NID1: variants seen among roughly 807,000 people sequenced by gnomAD.
The protein encoded by NID1 is nidogen 1.
A neutral mutation model predicts 130.6 loss-of-function variants in NID1; 76 were observed. The ratio of observed to expected loss-of-function variants is 0.58; its 90% CI spans 0.48 to 0.70. NID1 has a LOEUF of 0.70. Ranked by LOEUF, NID1 falls within the 30% of genes least tolerant of loss-of-function variation. The pLI, the probability that NID1 is intolerant of heterozygous loss-of-function variation, is 0.00. For synonymous variants in NID1, 665 were observed against 675.1 expected (o/e 0.98, Z 0.23); for missense variants, 1,517 against 1,664.8 (o/e 0.91, Z 1.54).
chr1:236,061,578 G>C (rs2102854574), intron 1 of NID1, among the ~76,000 whole-genome samples: 1 of 152,160 alleles, frequency 6.6e-6, no homozygotes, highest in African/African-American at 2.4e-5. Flanking sequence ...AGATTCTCCT[G>C]CCTCAGCCTC....
At chr1:236,040,523 C>T (rs979531217) in intron 4 of NID1, among the ~76,000 whole-genome samples, 3 of 152,152 alleles carry the variant, frequency 2.0e-5, no homozygotes, top group Non-Finnish European at 4.4e-5. Flanking sequence ...GTTTTATGAT[C>T]ATTCCTTAGT....
chr1:236,031,040 G>A (rs1025033879), intron 6 of NID1, among the ~76,000 whole-genome samples: 1 of 152,156 alleles, frequency 6.6e-6, no homozygotes, highest in Non-Finnish European at 1.5e-5. Context: ...GAATATATAT[G>A]CCTGTGGACT....
chr1:236,044,595 C>A (rs1401833581), intron 3 of NID1, among the ~76,000 whole-genome samples: 2 of 152,070 alleles, frequency 1.3e-5, no homozygotes, highest in African/African-American at 2.4e-5. Flanking sequence ...AAGCATTTAC[C>A]AGCACATCAC....
chr1:236,016,569 A>G (rs3768080), intron 10 of NID1, among the ~76,000 whole-genome samples: 90,722 of 152,000 alleles, frequency 0.6, 28,193 homozygotes, highest in East Asian at 0.76. Flanking sequence ...TTCGTGGCTG[A>G]CCCATCCTCA....
intron 7 of NID1, among the ~76,000 whole-genome samples, chr1:236,026,846 C>A (rs1347277512): frequency 6.6e-6 from 1 of 151,332 alleles, no homozygotes; most frequent in Admixed American, 6.6e-5. Flanking sequence ...TCAAGCGATT[C>A]TCCCACCTCA....
chr1:236,062,941 G>A (rs1025941921), intron 1 of NID1, among the ~76,000 whole-genome samples: 5 of 150,150 alleles, frequency 3.3e-5, no homozygotes, highest in Non-Finnish European at 7.4e-5. Context: ...GAATCACGAG[G>A]TCAGGAGTTC....
intron 6 of NID1, among the ~76,000 whole-genome samples, chr1:236,031,617 G>T (rs757109321): frequency 6.6e-6 from 1 of 152,178 alleles, no homozygotes; most frequent in Non-Finnish European, 1.5e-5. Context: ...CTAGGTCGTC[G>T]GAGGCAGTGG....
chr1:236,058,451 C>T (rs1396710991), intron 1 of NID1, among the ~76,000 whole-genome samples: 1 of 152,124 alleles, frequency 6.6e-6, no homozygotes, highest in African/African-American at 2.4e-5. Context: ...TGCCAAGCAC[C>T]ACATGGGTAA....
At chr1:236,009,662 C>T (rs548514508) in intron 12 of NID1, among the ~76,000 whole-genome samples, 5 of 152,184 alleles carry the variant, frequency 3.3e-5, no homozygotes, top group South Asian at 2.1e-4. Flanking sequence ...CTCAACATTA[C>T]GCTTTTGAGA....
chr1:236,029,626 G>GC lies in NID1; in HGVS notation c.1661dup (p.Arg555ProfsTer14). 6.2e-7 allele frequency: 1 copy of GC among 1,610,052 alleles called. No individual in the cohort carries two copies. Among genetic ancestry groups the GC allele is most frequent in the Non-Finnish European group, 8.5e-7 (1 of 1,178,418 alleles). ...AGCCGAACGGAATCTGCGGCACGCG[G>GC]CCCTCCAGCTCCGTGTCGATGGTCA... is the stretch of plus-strand genomic sequence containing the variant. On this transcript the variant is annotated frameshift_variant, in exon 7 of 20. Coordinates refer to ENST00000264187, the MANE Select transcript of NID1 (RefSeq NM_002508.3). LOFTEE classifies it high-confidence loss of function.
chr1:236,012,824 A>G (rs1658473773), intron 11 of NID1, among the ~76,000 whole-genome samples: 1 of 152,202 alleles, frequency 6.6e-6, no homozygotes, highest in South Asian at 2.1e-4. Context: ...ACTCTATGGT[A>G]TAATATTAAG....
chr1:236,013,906 G>T (rs1255056340), intron 10 of NID1, among the ~76,000 whole-genome samples: 1 of 152,234 alleles, frequency 6.6e-6, no homozygotes, highest in East Asian at 1.9e-4. Flanking sequence ...TGGATATGGG[G>T]GTGGGACATC....
At chr1:235,984,136 G>A (rs1657510559) in intron 15 of NID1, among the ~76,000 whole-genome samples, 1 of 152,180 alleles carries the variant, frequency 6.6e-6, no homozygotes, top group African/African-American at 2.4e-5. Flanking sequence ...AGCTCCAAAA[G>A]CAACAGGAAA....
chr1:236,055,484 AT>A, intron 1 of NID1, among the ~76,000 whole-genome samples: 1 of 152,054 alleles, frequency 6.6e-6, no homozygotes, highest in Middle Eastern at 3.4e-3. Flanking sequence ...ATAAAAGTTT[AT>A]TTTTTAAAAA....
Position 236,042,080 on chromosome 1 carries a change from C to T in NID1, c.965G>A (p.Gly322Asp). 1 of 1,614,140 alleles carries T rather than the reference C, an allele frequency of 6.2e-7. No homozygotes were observed. Among genetic ancestry groups the T allele is most frequent in the Non-Finnish European group, 8.5e-7 (1 of 1,180,026 alleles). ...PFSYKALRRG[G>D]ADTYSVPSVL... ...GCTGGGCACACTGTATGTGTCAGCA[C>T]CTCCCCTTCTCAGAGCCTTGTAGGA... is the stretch of plus-strand genomic sequence containing the variant. The change falls in exon 4 of 20, where the codon GGT becomes GAT. Residue 322 changes from glycine to aspartate, a missense_variant. Physicochemically the swap from Gly to Asp is moderately conservative, Grantham distance 94 (BLOSUM62 -1). Around this residue, in one of 3 missense-constraint regions of NID1, gnomAD observed 1,329 missense variants for 1,429.2 expected, o/e 0.93. Coordinates refer to ENST00000264187, the MANE Select transcript of NID1 (RefSeq NM_002508.3).
At chr1:236,049,453 C>G (rs1659700921) in intron 1 of NID1, among the ~76,000 whole-genome samples, 1 of 152,046 alleles carries the variant, frequency 6.6e-6, no homozygotes, top group African/African-American at 2.4e-5. Flanking sequence ...GCACTCCAGC[C>G]TGGGTGACAG....
At chr1:236,029,847 T>G in intron 6 of NID1, 97 bp from the exon 7 acceptor site, 1 of 1,091,460 alleles carries the variant, frequency 9.2e-7, no homozygotes, top group Non-Finnish European at 1.4e-6. Context: ...GTGCGAACGC[T>G]TCTGCAGGTG....
intron 7 of NID1, among the ~76,000 whole-genome samples, chr1:236,026,946 G>A (rs185899867): frequency 5.3e-5 from 8 of 152,062 alleles, no homozygotes; most frequent in Non-Finnish European, 1.0e-4. Flanking sequence ...TCACCATGTT[G>A]GCCAGGCTGG....
At chr1:235,989,865 A>G (rs1657679909) in intron 14 of NID1, among the ~76,000 whole-genome samples, 1 of 152,218 alleles carries the variant, frequency 6.6e-6, no homozygotes, top group Non-Finnish European at 1.5e-5. Flanking sequence ...GTGTTCCAGG[A>G]CCAGCCAGAG....
Sources: allele counts gnomAD v4.1 joint callset (sites outside exome capture counted in the v4.1 genomes callset), GRCh38; gene constraint gnomAD v4.1.1; regional missense constraint gnomAD v4.1.1; transcripts MANE v1.5; gene names NCBI Gene and HGNC (gene_info 2026-07-23, HGNC 2026-07-21).